CTNND2: variants seen among roughly 807,000 people sequenced by gnomAD.
CTNND2 encodes catenin delta 2.
A neutral mutation model predicts 144.4 loss-of-function variants in CTNND2; 22 were observed. The observed-to-expected ratio is 0.15, with a 90% confidence interval of 0.11 to 0.22. The LOEUF is 0.22. CTNND2 is among the 10% of genes least tolerant of loss of function. CTNND2 has a pLI of 1.00. For synonymous variants in CTNND2, 751 were observed against 695.6 expected (o/e 1.08, Z -1.25); for missense variants, 1,353 against 1,618.8 (o/e 0.84, Z 2.82).
chr5:11,808,850 A>G (rs1383033970), intron 1 of CTNND2, among the ~76,000 whole-genome samples: 6 of 152,228 alleles, frequency 3.9e-5, no homozygotes, highest in Admixed American at 3.9e-4. Flanking sequence ...TTATTATCTG[A>G]AAAGATATTG....
chr5:11,316,102 A>C (rs932428396), intron 9 of CTNND2, among the ~76,000 whole-genome samples: 2 of 152,264 alleles, frequency 1.3e-5, no homozygotes, highest in African/African-American at 4.8e-5. Flanking sequence ...GGCTACAGCT[A>C]AGAAAAAACA....
At position 11,397,274 on chromosome 5, in the gene CTNND2, G is replaced by A. The variant is rs1285489398; in HGVS notation, c.440-71C>T. 8.1e-6 allele frequency: 11 copies of A among 1,358,564 alleles called. No homozygotes were observed. In the Admixed American group the frequency reaches 1.7e-4, roughly 22 times the overall value. 84.2% of individuals were successfully genotyped at this position (1,358,564 alleles called of 1,614,324 possible). On this transcript the variant is annotated intron_variant, in intron 5 of 21. Coordinates refer to ENST00000304623, the MANE Select transcript of CTNND2 (RefSeq NM_001332.4). ...GCAGAAATGACATGTATTATTTATTGAGAGTAGCCTAGAATTATCTCATGC... is the reference window on the plus strand; with the variant it reads ...GCAGAAATGACATGTATTATTTATTAAGAGTAGCCTAGAATTATCTCATGC...
intron 9 of CTNND2, among the ~76,000 whole-genome samples, chr5:11,303,499 C>T (rs555452580): frequency 6.6e-6 from 1 of 152,246 alleles, no homozygotes; most frequent in East Asian, 1.9e-4. Context: ...CACTGGGTTG[C>T]TGAGGCCTTA....
chr5:11,068,885 C>A (rs1319452762), intron 16 of CTNND2, among the ~76,000 whole-genome samples: 1 of 152,206 alleles, frequency 6.6e-6, no homozygotes, highest in East Asian at 1.9e-4. Flanking sequence ...CCACTGCACT[C>A]CAGCCTGGGC....
chr5:11,100,585 T>C (rs1037849677), intron 14 of CTNND2, among the ~76,000 whole-genome samples: 3 of 152,352 alleles, frequency 2.0e-5, no homozygotes, highest in African/African-American at 7.2e-5. Flanking sequence ...AGTAGCAATA[T>C]TGGCCTCTCA....
chr5:11,674,667 G>A (rs988203305), intron 2 of CTNND2, among the ~76,000 whole-genome samples: 3 of 152,210 alleles, frequency 2.0e-5, no homozygotes, highest in African/African-American at 7.2e-5. Context: ...TTAGAAGTGG[G>A]ATTGCGGAGT....
chr5:11,641,349 T>C (rs1781989609), intron 2 of CTNND2, among the ~76,000 whole-genome samples: 1 of 151,856 alleles, frequency 6.6e-6, no homozygotes, highest in Admixed American at 6.6e-5. Context: ...TAAACCACAC[T>C]CTAATCTCAG....
At position 11,032,593 on chromosome 5, in the gene CTNND2, G is replaced by A. The variant is rs548086439; in HGVS notation, c.2789-9614C>T. Among the ~76,000 whole-genome samples, 8 of 152,216 alleles carry A rather than the reference G, an allele frequency of 5.3e-5. No individual in the cohort carries two copies. The East Asian group carries it at 5.8e-4, about 11-fold the overall frequency. On this transcript the variant is annotated intron_variant, in intron 16 of 21. Coordinates refer to ENST00000304623, the MANE Select transcript of CTNND2 (RefSeq NM_001332.4). Reference sequence around the variant, plus strand: ...GGGAAAAGTCTCTTCTGGATTGTCCGGAGATCTCTGACCTCTGGAAACATC... The same window carrying A: ...GGGAAAAGTCTCTTCTGGATTGTCCAGAGATCTCTGACCTCTGGAAACATC...
At chr5:11,044,530 CAA>C (rs59308721) in intron 16 of CTNND2, among the ~76,000 whole-genome samples, 1,449 of 138,094 alleles carry the variant, frequency 0.01, 15 homozygotes, top group South Asian at 0.014. Flanking sequence ...CACATGCTTG[CAA>C]AAAAAAAAAA....
At chr5:11,688,271 C>G (rs182261105) in intron 2 of CTNND2, among the ~76,000 whole-genome samples, 236 of 152,238 alleles carry the variant, frequency 1.6e-3, no homozygotes, top group African/African-American at 5.0e-3. Context: ...ACAGCAGTCC[C>G]CCACCTGAAC....
intron 10 of CTNND2, among the ~76,000 whole-genome samples, chr5:11,218,303 T>C (rs1374994637): frequency 6.6e-6 from 1 of 152,180 alleles, no homozygotes; most frequent in Non-Finnish European, 1.5e-5. Flanking sequence ...TTCTCCAGAA[T>C]TGACAAGCCA....
chr5:11,071,105 G>T (rs1386814666), intron 16 of CTNND2, among the ~76,000 whole-genome samples: 2 of 152,108 alleles, frequency 1.3e-5, no homozygotes, highest in East Asian at 3.9e-4. Context: ...AGAACACTAG[G>T]AAAGTTTTAT....
At chr5:11,431,519 C>G (rs1312014533) in intron 3 of CTNND2, among the ~76,000 whole-genome samples, 1 of 152,154 alleles carries the variant, frequency 6.6e-6, no homozygotes, top group Non-Finnish European at 1.5e-5. Context: ...CTTAAGAGAT[C>G]AACAGCTGTA....
intron 7 of CTNND2, among the ~76,000 whole-genome samples, chr5:11,380,572 T>C (rs1758378344): frequency 1.3e-5 from 2 of 152,182 alleles, no homozygotes; most frequent in Admixed American, 6.5e-5. Context: ...GCAGATATGA[T>C]TTTTTTAAAT....
At chr5:11,378,649 C>T (rs540538961) in intron 7 of CTNND2, among the ~76,000 whole-genome samples, 1 of 152,294 alleles carries the variant, frequency 6.6e-6, no homozygotes, top group African/African-American at 2.4e-5. Context: ...CAGCAGGAGC[C>T]AGATATCATG....
intron 14 of CTNND2, among the ~76,000 whole-genome samples, chr5:11,103,680 C>A (rs531953150): frequency 0.012 from 1,741 of 146,052 alleles, 29 homozygotes; most frequent in African/African-American, 0.043. Context: ...AAGCAAAAAA[C>A]AAAACAAAAA....
intron 3 of CTNND2, among the ~76,000 whole-genome samples, chr5:11,536,647 T>C (rs950196405): frequency 6.6e-6 from 1 of 152,112 alleles, no homozygotes; most frequent in Non-Finnish European, 1.5e-5. Context: ...ACATTGTATG[T>C]TCTCACTTGC....
chr5:11,571,131 C>T (rs1034375485), intron 2 of CTNND2, among the ~76,000 whole-genome samples: 3 of 152,140 alleles, frequency 2.0e-5, no homozygotes, highest in Non-Finnish European at 4.4e-5. Context: ...TCTTTCTCCA[C>T]AGTATTAATG....
intron 1 of CTNND2, among the ~76,000 whole-genome samples, chr5:11,760,238 T>C (rs1331107175): frequency 6.6e-6 from 1 of 152,060 alleles, no homozygotes; most frequent in East Asian, 1.9e-4. Context: ...TGGCCACGTA[T>C]TCTAGAAGCT....
Sources: allele counts gnomAD v4.1 joint callset (sites outside exome capture counted in the v4.1 genomes callset), GRCh38; gene constraint gnomAD v4.1.1; transcripts MANE v1.5; gene names NCBI Gene and HGNC (gene_info 2026-07-23, HGNC 2026-07-21).